The following SHROOM4 variants were observed in gnomAD, a reference collection of about 807,000 sequenced individuals.
The protein encoded by SHROOM4 is protein Shroom4.
In SHROOM4, 17 loss-of-function variants were observed where a neutral mutation model predicts 80.3. That is an observed-to-expected ratio of 0.21 (90% CI 0.14 to 0.32). SHROOM4 has a LOEUF of 0.32. SHROOM4 is among the 10% of genes least tolerant of loss of function. The probability of loss-of-function intolerance (pLI) is 1.00; values close to 1 mark genes in which losing one functional copy is unlikely to be tolerated. For synonymous variants in SHROOM4, 400 were observed against 437.5 expected, an observed-to-expected ratio of 0.91 and a Z score of 1.07; for missense variants, 993 against 1,140.3, an observed-to-expected ratio of 0.87 and a Z score of 1.86.
At chrX:50,630,084 T>C (rs782213013) in intron 4 of SHROOM4, among the ~76,000 whole-genome samples, 17 of 110,188 alleles carry the variant, frequency 1.5e-4, no homozygotes, top group Admixed American at 1.5e-3. Flanking sequence ...TCCCTCAGAG[T>C]ACAAAAAATA....
At chrX:50,578,432 G>A in the SHROOM4 span, among the ~76,000 whole-genome samples, 2 of 111,711 alleles carry the variant, frequency 1.8e-5, no homozygotes, top group African/African-American at 6.5e-5. Context: ...TCAGCCTCTC[G>A]AGTAGCTGGG....
intron 1 of SHROOM4, among the ~76,000 whole-genome samples, chrX:50,697,007 A>G (rs1251382337): frequency 8.9e-6 from 1 of 112,022 alleles, no homozygotes; most frequent in African/African-American, 3.2e-5. Flanking sequence ...AATCCATGAA[A>G]GGAGTCATCT....
intron 1 of SHROOM4, among the ~76,000 whole-genome samples, chrX:50,757,676 A>G (rs1168044256): frequency 9.0e-6 from 1 of 110,760 alleles, no homozygotes; most frequent in Non-Finnish European, 1.9e-5. Context: ...TACAAAAATT[A>G]GCCAGGCGTG....
chrX:50,648,079 C>T (rs1027843466), intron 2 of SHROOM4, among the ~76,000 whole-genome samples: 3 of 111,909 alleles, frequency 2.7e-5, no homozygotes, highest in Non-Finnish European at 3.8e-5. Context: ...TTTGACTTGG[C>T]TGATGGATTT....
chrX:50,699,313 C>G (rs922999741), intron 1 of SHROOM4, among the ~76,000 whole-genome samples: 1 of 111,938 alleles, frequency 8.9e-6, no homozygotes, highest in Non-Finnish European at 1.9e-5. Flanking sequence ...TGACTTTGGA[C>G]AAGTCCCTTT....
intron 1 of SHROOM4, among the ~76,000 whole-genome samples, chrX:50,813,613 TAGCCGCCCCGACGTGGGGCAGCAAG>T (rs1409054531): frequency 1.8e-5 from 2 of 112,083 alleles, no homozygotes; most frequent in Non-Finnish European, 3.8e-5. Context: ...CTGAGGGAAG[TAGCCGCCCCGACGTGGGGCAGCAAG>T]GGCTGCCCCA....
chrX:50,761,183 C>T (rs781850462), intron 1 of SHROOM4, among the ~76,000 whole-genome samples: 4 of 110,299 alleles, frequency 3.6e-5, no homozygotes, highest in South Asian at 7.8e-4. Flanking sequence ...TTTTCTTTCC[C>T]TCCTCTCACC....
At chrX:50,606,171 G>A (rs782207442) in intron 6 of SHROOM4, among the ~76,000 whole-genome samples, 1 of 106,977 alleles carries the variant, frequency 9.3e-6, no homozygotes, top group South Asian at 4.3e-4. Flanking sequence ...ATGCTGGTGC[G>A]CTGCACCCAC....
intron 5 of SHROOM4, among the ~76,000 whole-genome samples, chrX:50,612,816 C>A (rs1569546533): frequency 1.9e-5 from 2 of 108,098 alleles, no homozygotes; most frequent in East Asian, 2.8e-4. Flanking sequence ...TATTTGATAA[C>A]AATTCAACAT....
intron 6 of SHROOM4, among the ~76,000 whole-genome samples, chrX:50,603,380 C>T (rs1929522961): frequency 9.0e-6 from 1 of 110,639 alleles, no homozygotes; most frequent in Non-Finnish European, 1.9e-5. Flanking sequence ...CTGCAGATCT[C>T]CCACAGCAAA....
chrX:50,670,536 T>A (rs782154958), intron 2 of SHROOM4, among the ~76,000 whole-genome samples: 2 of 111,765 alleles, frequency 1.8e-5, no homozygotes, highest in East Asian at 5.6e-4. Context: ...TGGTTCCAAG[T>A]CTTTGCTATT....
the SHROOM4 span, among the ~76,000 whole-genome samples, chrX:50,576,634 T>C: frequency 1.8e-5 from 2 of 111,484 alleles, no homozygotes; most frequent in African/African-American, 6.5e-5. Flanking sequence ...TGTGTGTGTG[T>C]TCTGTTTGTT....
intron 1 of SHROOM4, among the ~76,000 whole-genome samples, chrX:50,813,166 C>CGGCAGT (rs1557273628): frequency 9.3e-6 from 1 of 107,845 alleles, no homozygotes; most frequent in Non-Finnish European, 1.9e-5. Flanking sequence ...GCAGTGGCGG[C>CGGCAGT]GGCGGCGGCG....
chrX:50,795,113 T>TATTA (rs2067922950), intron 1 of SHROOM4, among the ~76,000 whole-genome samples: 3 of 41,046 alleles, frequency 7.3e-5, no homozygotes, highest in South Asian at 1.6e-3. Context: ...TATATATATA[T>TATTA]GATATATATA....
intron 1 of SHROOM4, among the ~76,000 whole-genome samples, chrX:50,714,410 T>C (rs1218442849): frequency 2.7e-5 from 3 of 109,275 alleles, no homozygotes; most frequent in African/African-American, 1.1e-4. Flanking sequence ...TATTTCAAAG[T>C]ATCTAGAAGA....
chrX:50,779,440 T>C (rs899113395), intron 1 of SHROOM4, among the ~76,000 whole-genome samples: 6 of 112,259 alleles, frequency 5.3e-5, no homozygotes, highest in African/African-American at 9.7e-5. Flanking sequence ...GTGATACAAA[T>C]AATTAAAATA....
In SHROOM4 at chrX:50,680,251, TA is replaced by T. The variant is rs782142793; in HGVS notation, c.269+15534del. Among the ~76,000 whole-genome samples, 544 of 111,941 alleles carry T rather than the reference TA, an allele frequency of 4.9e-3. 4 individuals carry two copies. The highest frequency in any genetic ancestry group is 0.016 in the African/African-American group (500 of 30,873). The stretch of plus-strand genomic sequence containing the variant: ...ACCTCTCCTCTTTGCTGCCTACACT[TA>T]AAAAAATTAAAGGTAACTTTATTTT... On this transcript the variant is annotated intron_variant, in intron 2 of 8. Coordinates refer to ENST00000376020, the MANE Select transcript of SHROOM4 (RefSeq NM_020717.5).
intron 1 of SHROOM4, among the ~76,000 whole-genome samples, chrX:50,813,068 T>C (rs921827882): frequency 5.9e-4 from 65 of 110,209 alleles, no homozygotes; most frequent in African/African-American, 2.0e-3. Context: ...TCAGGAGAGC[T>C]CCTCTCTCCT....
At chrX:50,644,737 C>T (rs1003070231) in intron 2 of SHROOM4, among the ~76,000 whole-genome samples, 6 of 112,127 alleles carry the variant, frequency 5.4e-5, no homozygotes, top group Non-Finnish European at 9.4e-5. Flanking sequence ...CCCCTTTCTT[C>T]CCTCTGTATC....
Sources: allele counts gnomAD v4.1 joint callset (sites outside exome capture counted in the v4.1 genomes callset), GRCh38; gene constraint gnomAD v4.1.1; transcripts MANE v1.5; gene names NCBI Gene and HGNC (gene_info 2026-07-23, HGNC 2026-07-21).